Variants in ZIM3 observed in about 807,000 individuals in gnomAD.
The protein encoded by ZIM3 is zinc finger imprinted 3.
ZIM3 carries 11 observed loss-of-function variants against 12.9 expected under a neutral mutation model. That is an observed-to-expected ratio of 0.85 (90% CI 0.54 to 1.41). The LOEUF is 1.41. ZIM3 is among the 40% of genes most tolerant of loss of function. ZIM3 has a pLI of 0.00. For synonymous variants in ZIM3, 205 were observed against 198.5 expected, an observed-to-expected ratio of 1.03 and a Z score of -0.28; for missense variants, 604 against 557.2, an observed-to-expected ratio of 1.08 and a Z score of -0.85.
chr19:57,136,998 G>C (rs2086890118), intron 3 of ZIM3, 27 bp from the exon 4 acceptor site: 1 of 1,610,384 alleles, frequency 6.2e-7, no homozygotes, highest in Admixed American at 1.7e-5. Flanking sequence ...CGCAAGGCTT[G>C]GTGTTTGTGG....
At chr19:57,139,252 C>T (rs2086903240) in intron 2 of ZIM3, among the ~76,000 whole-genome samples, 1 of 151,220 alleles carries the variant, frequency 6.6e-6, no homozygotes, top group Non-Finnish European at 1.5e-5. Flanking sequence ...CACTTGAACC[C>T]AGGAGGTGGA....
intron 4 of ZIM3, 21 bp downstream of exon 4, chr19:57,136,852 A>C (rs779357634): frequency 1.2e-6 from 2 of 1,607,400 alleles, no homozygotes; most frequent in South Asian, 2.2e-5. Flanking sequence ...ATTGACCCAC[A>C]GTGCTCTCCT....
chr19:57,138,034 A>AGAAG (rs1305153551), intron 3 of ZIM3, among the ~76,000 whole-genome samples: 1 of 21,790 alleles, frequency 4.6e-5, no homozygotes, highest in African/African-American at 2.4e-4. Flanking sequence ...AAGGAAGGAA[A>AGAAG]GAAGGAAGGA....
At chr19:57,140,138 C>T (rs893411874) in intron 2 of ZIM3, among the ~76,000 whole-genome samples, 8 of 152,164 alleles carry the variant, frequency 5.3e-5, no homozygotes, top group Non-Finnish European at 8.8e-5. Context: ...TGTGTTTGTG[C>T]TCTAGCTCGC....
chr19:57,134,585 A>G lies in ZIM3; in HGVS notation c.*333T>C. ...ATTTGAGCCACCACGCCTGGCCAAA[A>G]GTATAGTCTTTTAAACGTTTTTAAA... is the stretch of plus-strand genomic sequence containing the variant. On this transcript the variant is annotated 3_prime_UTR_variant, in exon 5 of 5. Transcript: ENST00000269834. 1 of 201,510 alleles carries G rather than the reference A, an allele frequency of 5.0e-6. No homozygotes were observed. The highest frequency in any genetic ancestry group is 1.0e-5 in the Non-Finnish European group (1 of 98,842). The allele number at this position is 201,510 out of a possible 1,614,324, so 12.5% of individuals were successfully genotyped here.
At chr19:57,141,417 A>C (rs1461376507) in intron 2 of ZIM3, among the ~76,000 whole-genome samples, 3 of 148,878 alleles carry the variant, frequency 2.0e-5, no homozygotes, top group East Asian at 3.9e-4. Flanking sequence ...AAAAAAAAAA[A>C]AAAACAACAA....
Position 57,142,626 on chromosome 19 carries a change from C to T in ZIM3, c.15+3G>A. 3.7e-6 allele frequency: 6 copies of T among 1,613,580 alleles called. No homozygotes were observed. Among genetic ancestry groups the T allele is most frequent in the Non-Finnish European group, 5.1e-6 (6 of 1,179,720 alleles). ...GAGATTTAGATTTTTTTGAAAAGCT[C>T]ACCTGGGAATTGTTCATTTCCTGTT... On this transcript the variant is annotated splice_donor_region_variant and intron_variant, in intron 2 of 4. Transcript: ENST00000269834.
rs1251046181 is a variant in ZIM3 at position 57,138,044 on chromosome 19, AAGGAAGGAAAGAAGG to A, written c.142+413_142+427del. Among the ~76,000 whole-genome samples, 83 of 76,626 alleles carry A rather than the reference AAGGAAGGAAAGAAGG, an allele frequency of 1.1e-3. 7 individuals are homozygous for A. Among genetic ancestry groups the A allele is most frequent in the Non-Finnish European group, 9.9e-4 (40 of 40,394 alleles). The allele number at this position is 76,626 out of a possible 152,430, so 50.3% of individuals were successfully genotyped here. On this transcript the variant is annotated intron_variant, in intron 3 of 4. Coordinates refer to ENST00000269834, the MANE Select transcript of ZIM3 (RefSeq NM_052882.1). ...GAAAGAAGGAAGGAAAGAAGGAAGGAAGGAAGGAAAGAAGGAAGGAAGGAAGGAAGGAAAGAAGGG... is the reference window on the plus strand; with the variant it reads ...GAAAGAAGGAAGGAAAGAAGGAAGGAAAGGAAGGAAGGAAGGAAAGAAGGG...
chr19:57,137,860 A>T, intron 3 of ZIM3, among the ~76,000 whole-genome samples: 1 of 83,400 alleles, frequency 1.2e-5, no homozygotes. Context: ...GGAAGGAAGG[A>T]AGGAAGGAAA....
rs752476191 is a variant in ZIM3 at position 57,134,991 on chromosome 19, C to T, written c.1346G>A (p.Cys449Tyr). The T allele has an allele frequency of 8.1e-6, 13 of 1,614,048 alleles. No individual in the cohort carries two copies. In the African/African-American group the frequency reaches 1.5e-4, roughly 18 times the overall value. ...KTHTGQKPYG[C>Y]SECGKAFADR... Reference sequence around the variant, plus strand: ...AGCGAAGGCTTTACCGCATTCAGAACATCCATAAGGTTTTTGTCCAGTATG... The same window carrying T: ...AGCGAAGGCTTTACCGCATTCAGAATATCCATAAGGTTTTTGTCCAGTATG... Residue 449 changes from cysteine to tyrosine, a missense_variant, in exon 5 of 5, where the codon TGT becomes TAT. Transcript: ENST00000269834.
chr19:57,142,149 T>TC (rs902883976), intron 2 of ZIM3, among the ~76,000 whole-genome samples: 5 of 149,906 alleles, frequency 3.3e-5, no homozygotes, highest in Admixed American at 6.7e-5. Flanking sequence ...AAGCTTTTTT[T>TC]TTTTTTTTTT....
rs545311281 is a variant in ZIM3, at chr19:57,135,917, A to G, written c.420T>C (p.Tyr140=). The G allele has an allele frequency of 6.8e-6, 11 of 1,614,148 alleles. No individual in the cohort carries two copies. In the East Asian group the frequency reaches 8.9e-5, roughly 13 times the overall value. ...TATCATCGTGAGAATTATTTTGTAC[A>G]TAGTGTTGCAAGGAAGATACATCAT... ...GIDDVSSLQH[Y]VQNNSHDDNG... Residue 140 remains tyrosine (Y), a synonymous_variant, in exon 5 of 5, where the codon TAT becomes TAC. Transcript: ENST00000269834.
At position 57,135,168 on chromosome 19, in the gene ZIM3, G is replaced by A. The variant is rs761249204; in HGVS notation, c.1169C>T (p.Pro390Leu). 17 of 1,613,812 alleles carry A rather than the reference G, an allele frequency of 1.1e-5. No individual in the cohort carries two copies. The highest frequency in any genetic ancestry group is 1.3e-5 in the African/African-American group (1 of 74,866). Residue 390 changes from proline to leucine, a missense_variant, in exon 5 of 5, where the codon CCC (proline) becomes CTC (leucine). Coordinates refer to ENST00000269834, the MANE Select transcript of ZIM3 (RefSeq NM_052882.1). ...TTTTCCACATCTGTTACATTCATAG[G>A]GCTTTTCCCCAGTATGGATTTTTTT... Reference protein sequence around the residue: ...QHKKIHTGEKPYECNRCGKAF... With the variant: ...QHKKIHTGEKLYECNRCGKAF...
intron 3 of ZIM3, 23 bp downstream of exon 3, chr19:57,138,449 C>T (rs373671356): frequency 2.5e-6 from 4 of 1,614,026 alleles, no homozygotes; most frequent in East Asian, 4.5e-5. Context: ...TTTGAGTCCC[C>T]CTGCCCGGGA....
At chr19:57,144,223 T>A (rs1475440840) in intron 1 of ZIM3, among the ~76,000 whole-genome samples, 1 of 151,842 alleles carries the variant, frequency 6.6e-6, no homozygotes, top group Non-Finnish European at 1.5e-5. Context: ...GCTAACTTTT[T>A]ATTTTTTGTA....
At position 57,138,534 on chromosome 19, in the gene ZIM3, G is replaced by C; in HGVS notation, c.80C>G (p.Pro27Arg). 2 of 1,613,992 alleles carry C rather than the reference G, an allele frequency of 1.2e-6. No individual in the cohort carries two copies. The highest frequency in any genetic ancestry group is 3.3e-4 in the Middle Eastern group (2 of 6,062). Residue 27 changes from proline to arginine, a missense_variant, in exon 3 of 5, where the codon CCC becomes CGC. Transcript: ENST00000269834. ...ATCCCTGTACAAGTTTCTCTGTTCG[G>C]GATTCAGCCGCTGCCACTCCCCCTG... ...FTQGEWQRLN[P>R]EQRNLYRDVM...
intron 2 of ZIM3, among the ~76,000 whole-genome samples, chr19:57,141,398 CAAA>C (rs66633580): frequency 0.15 from 15,309 of 104,854 alleles, 732 homozygotes; most frequent in African/African-American, 0.19. Flanking sequence ...GAGACTGTCT[CAAA>C]AAAAAAAAAA....
rs147397744 is a variant in ZIM3 at position 57,137,645 on chromosome 19, G to A, written c.143-674C>T. Among the ~76,000 whole-genome samples the A allele has an allele frequency of 5.5e-3, 832 of 150,440 alleles. 4 individuals carry two copies. Among genetic ancestry groups the A allele is most frequent in the Middle Eastern group, 0.01 (3 of 294 alleles). On this transcript the variant is annotated intron_variant, in intron 3 of 4. Coordinates refer to ENST00000269834, the MANE Select transcript of ZIM3 (RefSeq NM_052882.1). Reference sequence around the variant, plus strand: ...GGAAAATCACTGGAACCTGGGAGGCGGAGGTTGCAGTGAGCCGAGATCACA... The same window carrying A: ...GGAAAATCACTGGAACCTGGGAGGCAGAGGTTGCAGTGAGCCGAGATCACA...
chr19:57,135,622 A>G lies in ZIM3; in HGVS notation c.715T>C (p.Phe239Leu), dbSNP rs146062644. Residue 239 changes from phenylalanine (F) to leucine (L), a missense_variant, in exon 5 of 5, where the codon TTT becomes CTT. Physicochemically the swap from Phe to Leu is conservative, Grantham distance 22. Coordinates refer to ENST00000269834, the MANE Select transcript of ZIM3 (RefSeq NM_052882.1). Reference protein sequence around the residue: ...GNAYKQKSNLFQHQKMHTKEK... With the variant: ...GNAYKQKSNLLQHQKMHTKEK... ...TTAGTATGCATTTTCTGATGTTGAA[A>G]GAGATTTGACTTCTGCTTGTAGGCA... The G allele has an allele frequency of 4.2e-5, 68 of 1,611,844 alleles. No individual in the cohort carries two copies. The African/African-American group carries it at 8.6e-4, about 20-fold the overall frequency.
Sources: gnomAD v4.1 joint callset for allele counts (sites outside exome capture counted in the v4.1 genomes callset) on GRCh38, gnomAD v4.1.1 for gene constraint, MANE v1.5 for transcripts, NCBI Gene and HGNC (gene_info 2026-07-23, HGNC 2026-07-21) for gene names.